CELF2: variants seen among roughly 807,000 people sequenced by gnomAD.
CELF2 encodes the protein CUG triplet repeat RNA-binding protein 2.
CELF2 carries 8 observed loss-of-function variants against 62.6 expected under a neutral mutation model. That is an observed-to-expected ratio of 0.13 (90% CI 0.07 to 0.23). The LOEUF (loss-of-function observed/expected upper bound fraction) is 0.23, where lower values mean the gene tolerates loss of function less well. Ranked by LOEUF, CELF2 falls within the 10% of genes least tolerant of loss-of-function variation. The probability of loss-of-function intolerance (pLI) is 1.00; values close to 1 mark genes in which losing one functional copy is unlikely to be tolerated. For missense variants in CELF2, 333 were observed against 671.0 expected (o/e 0.50, Z 5.56); for synonymous variants, 258 against 250.0 (o/e 1.03, Z -0.30).
chr10:10,655,968 A>G, the CELF2 span, among the ~76,000 whole-genome samples: 2 of 142,956 alleles, frequency 1.4e-5, no homozygotes. Flanking sequence ...TTCGCAACCT[A>G]CTCATCTGAC....
At chr10:10,732,503 A>C in the CELF2 span, among the ~76,000 whole-genome samples, 22 of 144,944 alleles carry the variant, frequency 1.5e-4, no homozygotes, top group Non-Finnish European at 3.0e-4. Flanking sequence ...GCCTACTCTT[A>C]CTTTGGACTC....
the CELF2 span, among the ~76,000 whole-genome samples, chr10:10,656,007 A>C: frequency 6.7e-6 from 1 of 149,316 alleles, no homozygotes; most frequent in African/African-American, 2.5e-5. Flanking sequence ...ATCTACAATG[A>C]ACTCAAACAA....
intron 3 of CELF2, among the ~76,000 whole-genome samples, chr10:11,219,474 T>C (rs1278565225): frequency 6.6e-6 from 1 of 152,216 alleles, no homozygotes; most frequent in African/African-American, 2.4e-5. Flanking sequence ...AGTTGGTCGG[T>C]GGATTATTTT....
chr10:10,515,151 C>T, the CELF2 span, among the ~76,000 whole-genome samples: 1 of 152,194 alleles, frequency 6.6e-6, no homozygotes, highest in Admixed American at 6.5e-5. Flanking sequence ...GAGCAGGTGA[C>T]ACACCCTCAG....
At chr10:11,226,541 A>G (rs2066604852) in intron 3 of CELF2, among the ~76,000 whole-genome samples, 1 of 152,024 alleles carries the variant, frequency 6.6e-6, no homozygotes, top group African/African-American at 2.4e-5. Context: ...GTCAGATGGC[A>G]TGGACCTGCT....
chr10:10,668,782 A>T, the CELF2 span, among the ~76,000 whole-genome samples: 40 of 151,974 alleles, frequency 2.6e-4, no homozygotes, highest in African/African-American at 9.4e-4. Context: ...ACATGATGAA[A>T]CCCTGTCTCT....
the CELF2 span, among the ~76,000 whole-genome samples, chr10:10,716,997 G>T: frequency 8.9e-4 from 136 of 152,290 alleles, 1 homozygote; most frequent in Admixed American, 1.3e-3. Flanking sequence ...ATGCGGGCAC[G>T]TGAATCAGTT....
chr10:10,534,226 A>AG, the CELF2 span, among the ~76,000 whole-genome samples: 5 of 149,314 alleles, frequency 3.3e-5, no homozygotes, highest in African/African-American at 9.9e-5. Context: ...AAAAAAAAAA[A>AG]AAAGAAAAAG....
intron 1 of CELF2, among the ~76,000 whole-genome samples, chr10:10,814,183 C>T (rs948806210): frequency 1.2e-5 from 1 of 82,330 alleles, no homozygotes; most frequent in African/African-American, 4.7e-5. Flanking sequence ...GAAATGGGAA[C>T]AAGAGAAGGA....
Position 11,075,434 on chromosome 10 carries a change from A to AGTCCTGG in CELF2, c.74+57272_74+57278dup, listed in dbSNP as rs1217423186. 2 of 152,180 alleles carry AGTCCTGG rather than the reference A, an allele frequency of 1.3e-5. No homozygotes were observed. Among genetic ancestry groups the AGTCCTGG allele is most frequent in the Non-Finnish European group, 2.9e-5 (2 of 68,026 alleles). The allele number at this position is 152,180 out of a possible 1,614,324, so 9.4% of individuals were successfully genotyped here. On this transcript the variant is annotated intron_variant, in intron 1 of 12. Coordinates refer to ENST00000633077, the MANE Select transcript of CELF2 (RefSeq NM_001326342.2). This position sits in a 1 kb window ranked among gnomAD's most constrained non-coding sequence, Gnocchi z 5.4. ...ACTTATTCAGTAACGTATGGAGAGCAGTCCTGGTATACAGATACATGTACG... is the reference window on the plus strand; with the variant it reads ...ACTTATTCAGTAACGTATGGAGAGCAGTCCTGGGTCCTGGTATACAGATACATGTACG...
the CELF2 span, among the ~76,000 whole-genome samples, chr10:10,641,432 T>A: frequency 2.6e-5 from 4 of 151,990 alleles, no homozygotes; most frequent in African/African-American, 9.7e-5. Context: ...CTACAGAGGT[T>A]TTTTTTTGTT....
Position 11,277,900 on chromosome 10 carries a change from A to G in CELF2, c.841+2780A>G, listed in dbSNP as rs146351735. On this transcript the variant is annotated intron_variant, in intron 8 of 12. Coordinates refer to ENST00000633077, the MANE Select transcript of CELF2 (RefSeq NM_001326342.2). ...CATGTAATTTTTCTGTATTACATTGACAGATATATATAAAATGATCTCTGC... is the reference window on the plus strand; with the variant it reads ...CATGTAATTTTTCTGTATTACATTGGCAGATATATATAAAATGATCTCTGC... Among the ~76,000 whole-genome samples the G allele has an allele frequency of 3.5e-4, 53 of 152,314 alleles. No individual in the cohort carries two copies. In the East Asian group the frequency reaches 9.9e-3, roughly 28 times the overall value.
intron 1 of CELF2, among the ~76,000 whole-genome samples, chr10:11,020,601 C>T (rs1465708563): frequency 6.6e-6 from 1 of 152,176 alleles, no homozygotes; most frequent in African/African-American, 2.4e-5. Flanking sequence ...TAGATATTGG[C>T]CTGTTCCTAA....
At chr10:11,009,893 C>T (rs905218962) in intron 1 of CELF2, among the ~76,000 whole-genome samples, 1 of 152,254 alleles carries the variant, frequency 6.6e-6, no homozygotes, top group Non-Finnish European at 1.5e-5. Context: ...TCCCCTTCTT[C>T]AGAAGGCCTG....
At chr10:11,235,757 C>T (rs961434572) in intron 3 of CELF2, among the ~76,000 whole-genome samples, 10 of 151,182 alleles carry the variant, frequency 6.6e-5, no homozygotes, top group African/African-American at 2.4e-4. Flanking sequence ...AGAAATAGCC[C>T]TTAAGGCACT....
intron 1 of CELF2, among the ~76,000 whole-genome samples, chr10:11,067,354 T>C (rs181268955): frequency 7.5e-4 from 115 of 152,322 alleles, no homozygotes; most frequent in African/African-American, 2.7e-3. Flanking sequence ...AAAAGGCAGG[T>C]CGTCCATTGG....
chr10:10,943,116 T>G (rs1288025200), intron 2 of CELF2, among the ~76,000 whole-genome samples: 2 of 152,232 alleles, frequency 1.3e-5, no homozygotes, highest in East Asian at 3.8e-4. Flanking sequence ...TTGTCCTTCC[T>G]GTCTATATAA....
the CELF2 span, among the ~76,000 whole-genome samples, chr10:10,606,342 G>A: frequency 5.9e-5 from 9 of 152,306 alleles, no homozygotes; most frequent in African/African-American, 2.2e-4. Context: ...GAGAATAAGA[G>A]ACCTAAATCT....
intron 2 of CELF2, among the ~76,000 whole-genome samples, chr10:11,171,698 G>A (rs2068910602): frequency 6.6e-6 from 1 of 152,210 alleles, no homozygotes; most frequent in Admixed American, 6.5e-5. Context: ...ACCAGCTCAT[G>A]CAGAGAATGA....
Sources: gnomAD v4.1 joint callset for allele counts (sites outside exome capture counted in the v4.1 genomes callset) on GRCh38, gnomAD v4.1.1 for gene constraint, Gnocchi (gnomAD v3.1) non-coding constraint, MANE v1.5 for transcripts, NCBI Gene and HGNC (gene_info 2026-07-23, HGNC 2026-07-21) for gene names.